TCF7: variants seen among roughly 807,000 people sequenced by gnomAD.
TCF7 encodes transcription factor 7, also known as T-cell-factor-7.
A neutral mutation model predicts 46.8 loss-of-function variants in TCF7; 19 were observed. The ratio of observed to expected loss-of-function variants is 0.41; its 90% confidence interval spans 0.28 to 0.60. TCF7 has a LOEUF of 0.60. Ranked by LOEUF, TCF7 falls within the 20% of genes least tolerant of loss-of-function variation. The pLI is 0.35. For synonymous variants in TCF7, 245 were observed against 213.4 expected, an observed-to-expected ratio of 1.15 and a Z score of -1.29; for missense variants, 547 against 504.6, an observed-to-expected ratio of 1.08 and a Z score of -0.81.
chr5:134,143,702 C>G lies in TCF7; in HGVS notation c.1075+62C>G, dbSNP rs73790187. 0.012 allele frequency: 19,090 copies of G among 1,599,660 alleles called. 1,018 individuals are homozygous for G. The African/African-American group carries it at 0.16, about 13-fold the overall frequency. On this transcript the variant is annotated intron_variant, in intron 9 of 9. Coordinates refer to ENST00000342854, the MANE Select transcript of TCF7 (RefSeq NM_003202.5). The stretch of plus-strand genomic sequence containing the variant: ...CCATGTCCCCATTTCAAGAGCAGCC[C>G]TCCTCTGACCCAAAGGGAGGAACGC...
At chr5:134,115,711 T>C (rs1383824112) in intron 2 of TCF7, 198 bp from the exon 3 acceptor site, 5 of 1,433,170 alleles carry the variant, frequency 3.5e-6, no homozygotes, top group Non-Finnish European at 3.6e-6. Context: ...GGAGGTCAAG[T>C]AGGGGCCACC....
At chr5:134,134,461 C>A (rs1758579523) in intron 3 of TCF7, among the ~76,000 whole-genome samples, 1 of 152,212 alleles carries the variant, frequency 6.6e-6, no homozygotes, top group Non-Finnish European at 1.5e-5. Flanking sequence ...AGGAGTAGGC[C>A]CTGAGGCTCA....
intron 3 of TCF7, among the ~76,000 whole-genome samples, chr5:134,118,282 C>T (rs1023442056): frequency 6.6e-6 from 1 of 152,216 alleles, no homozygotes; most frequent in Admixed American, 6.5e-5. Context: ...TGGTCACTTT[C>T]CCAAGCCCAT....
At chr5:134,124,904 C>T (rs1757136318) in intron 3 of TCF7, among the ~76,000 whole-genome samples, 2 of 152,206 alleles carry the variant, frequency 1.3e-5, no homozygotes, top group Admixed American at 6.5e-5. Flanking sequence ...AAATCACCTC[C>T]TCCCAGGAAA....
chr5:134,126,713 A>G (rs906884125), intron 3 of TCF7, among the ~76,000 whole-genome samples: 2 of 152,150 alleles, frequency 1.3e-5, no homozygotes, highest in East Asian at 3.9e-4. Context: ...CCTGACCAAC[A>G]TGGTGAAACC....
intron 3 of TCF7, among the ~76,000 whole-genome samples, chr5:134,132,131 T>C (rs1758207979): frequency 6.6e-6 from 1 of 152,212 alleles, no homozygotes; most frequent in Admixed American, 6.5e-5. Flanking sequence ...TGCAGTGTCG[T>C]GGGTGTCATC....
upstream of TCF7, among the ~76,000 whole-genome samples, chr5:134,114,461 G>A (rs928832948): frequency 1.3e-5 from 2 of 152,296 alleles, no homozygotes; most frequent in Admixed American, 6.5e-5. Flanking sequence ...AGGTGAGTAA[G>A]CGGGGTCAGG....
chr5:134,136,235 G>A (rs1262887208), intron 3 of TCF7, among the ~76,000 whole-genome samples: 1 of 152,158 alleles, frequency 6.6e-6, no homozygotes, highest in African/African-American at 2.4e-5. Flanking sequence ...TTTACAAAGT[G>A]CATGACACAG....
At chr5:134,131,560 A>G (rs1453710535) in intron 3 of TCF7, among the ~76,000 whole-genome samples, 1 of 152,138 alleles carries the variant, frequency 6.6e-6, no homozygotes, top group Non-Finnish European at 1.5e-5. Flanking sequence ...GAGGGACCTG[A>G]GGGAAGAAGT....
chr5:134,133,831 T>C (rs965484129), intron 3 of TCF7, among the ~76,000 whole-genome samples: 1 of 152,180 alleles, frequency 6.6e-6, no homozygotes, highest in African/African-American at 2.4e-5. Context: ...GGAAGGCTGA[T>C]AGACAGAATG....
chr5:134,133,960 G>A (rs1758505023), intron 3 of TCF7, among the ~76,000 whole-genome samples: 1 of 152,218 alleles, frequency 6.6e-6, no homozygotes, highest in South Asian at 2.1e-4. Context: ...AGCCTGAGCT[G>A]TGCTGCAACC....
intron 3 of TCF7, among the ~76,000 whole-genome samples, chr5:134,135,892 A>T (rs2149331415): frequency 6.6e-6 from 1 of 152,368 alleles, no homozygotes; most frequent in Middle Eastern, 3.4e-3. Context: ...TCTGCAAGCC[A>T]AGTGAAGAAA....
rs561196811 is a variant in TCF7 at position 134,133,107 on chromosome 5, A to G, written c.442-4952A>G. Among the ~76,000 whole-genome samples, 3 of 152,254 alleles carry G rather than the reference A, an allele frequency of 2.0e-5. No homozygotes were observed. In the South Asian group the frequency reaches 6.2e-4, roughly 32 times the overall value. ...GGCTGGACAGGCACTGGTGGGACAG[A>G]GATGACTCTCAGGGTAGCCCTGGGG... On this transcript the variant is annotated intron_variant, in intron 3 of 9. Transcript: ENST00000342854.
chr5:134,115,071 C>A lies in TCF7; in HGVS notation c.165C>A (p.Leu55=). 8.6e-7 allele frequency: 1 copy of A among 1,168,860 alleles called. No individual in the cohort carries two copies. The highest frequency in any genetic ancestry group is 1.1e-6 in the Non-Finnish European group (1 of 926,238). 72.4% of individuals were successfully genotyped at this position (1,168,860 alleles called of 1,614,324 possible). ...ACCTGGCCGAGCTCAAGTCGTCGCT[C>A]GTGAACGAGTCCGAGGGCGCGGCCG... is the stretch of plus-strand genomic sequence containing the variant. ...ERDLAELKSS[L]VNESEGAAGG... is the part of the protein sequence containing the mutation. The change falls in exon 1 of 10, where the codon CTC becomes CTA. Residue 55 remains leucine (L), a synonymous_variant. Coordinates refer to ENST00000342854, the MANE Select transcript of TCF7 (RefSeq NM_003202.5).
At chr5:134,129,509 G>A (rs1376777663) in intron 3 of TCF7, among the ~76,000 whole-genome samples, 1 of 152,232 alleles carries the variant, frequency 6.6e-6, no homozygotes, top group African/African-American at 2.4e-5. Context: ...GGGCTGCTGT[G>A]TAGTCTCCAG....
chr5:134,127,196 C>T (rs576293425), intron 3 of TCF7, among the ~76,000 whole-genome samples: 1 of 152,256 alleles, frequency 6.6e-6, no homozygotes, highest in East Asian at 1.9e-4. Context: ...AGAGAAAGGC[C>T]ATAGTCCTCT....
intron 3 of TCF7, among the ~76,000 whole-genome samples, chr5:134,131,920 GC>G (rs1758180608): frequency 6.6e-6 from 1 of 152,264 alleles, no homozygotes; most frequent in Admixed American, 6.5e-5. Flanking sequence ...CATGGCTGGG[GC>G]CTTGGGGTCA....
chr5:134,132,287 A>G (rs1339226996), intron 3 of TCF7, among the ~76,000 whole-genome samples: 5 of 152,236 alleles, frequency 3.3e-5, no homozygotes, highest in Non-Finnish European at 7.3e-5. Flanking sequence ...TCTGCCTCAC[A>G]CATGGGAAAT....
chr5:134,113,998 C>T (rs1474905335), upstream of TCF7, among the ~76,000 whole-genome samples: 1 of 152,288 alleles, frequency 6.6e-6, no homozygotes, highest in East Asian at 1.9e-4. Context: ...CTTGGAGGAT[C>T]GGCTGAGGTC....
Sources: gnomAD v4.1 joint callset for allele counts (sites outside exome capture counted in the v4.1 genomes callset) on GRCh38, gnomAD v4.1.1 for gene constraint, MANE v1.5 for transcripts, NCBI Gene and HGNC (gene_info 2026-07-23, HGNC 2026-07-21) for gene names.